Variants in PAPSS2 observed in about 807,000 individuals in gnomAD.
The protein encoded by PAPSS2 is 3'-phosphoadenosine 5'-phosphosulfate synthase 2.
PAPSS2 carries 61 observed loss-of-function variants against 66.5 expected under a neutral mutation model. The ratio of observed to expected loss-of-function variants is 0.92; its 90% CI spans 0.75 to 1.14. The LOEUF (loss-of-function observed/expected upper bound fraction) is 1.14, where lower values mean the gene tolerates loss of function less well. Ranked by LOEUF, PAPSS2 falls within the 50% of genes most tolerant of loss-of-function variation. The pLI is 0.00. For synonymous variants in PAPSS2, 289 were observed against 287.5 expected (o/e 1.01, Z -0.05); for missense variants, 708 against 789.6 (o/e 0.90, Z 1.24).
Position 87,684,812 on chromosome 10 carries a change from G to A in PAPSS2, c.28-24384G>A, listed in dbSNP as rs137906924. ...GTGGCTTTAGAATTGATTACCTCAA[G>A]TCACACAGGTCATTTCGTGGTTGAG... On this transcript the variant is annotated intron_variant, in intron 1 of 12. Transcript: ENST00000456849. Among the ~76,000 whole-genome samples the A allele has an allele frequency of 4.3e-3, 650 of 152,340 alleles. 3 individuals are homozygous for A. The highest frequency in any genetic ancestry group is 0.014 in the African/African-American group (587 of 41,580).
chr10:87,674,121 T>A (rs1302584566), intron 1 of PAPSS2, among the ~76,000 whole-genome samples: 1 of 152,136 alleles, frequency 6.6e-6, no homozygotes, highest in Non-Finnish European at 1.5e-5. Flanking sequence ...TTCTTTAGTA[T>A]CTAGAGTCCC....
intron 9 of PAPSS2, among the ~76,000 whole-genome samples, chr10:87,739,801 T>C (rs887139188): frequency 2.0e-5 from 3 of 152,244 alleles, no homozygotes; most frequent in Non-Finnish European, 4.4e-5. Context: ...TTCATCATCA[T>C]GCACTTGCAG....
chr10:87,718,236 G>A lies in PAPSS2; in HGVS notation c.865+2393G>A, dbSNP rs1365942006. Among the ~76,000 whole-genome samples the A allele has an allele frequency of 2.0e-5, 3 of 152,052 alleles. No individual in the cohort carries two copies. In the East Asian group the frequency reaches 5.8e-4, roughly 29 times the overall value. Reference sequence around the variant, plus strand: ...GTAGAGACAGGGTTTCACTATGTTGGCCAGGCTGGTCTTGAGCTCCTTGAC... The same window carrying A: ...GTAGAGACAGGGTTTCACTATGTTGACCAGGCTGGTCTTGAGCTCCTTGAC... On this transcript the variant is annotated intron_variant, in intron 7 of 12. Transcript: ENST00000456849.
chr10:87,719,021 A>G (rs1853565498), intron 7 of PAPSS2, among the ~76,000 whole-genome samples: 1 of 152,134 alleles, frequency 6.6e-6, no homozygotes, highest in African/African-American at 2.4e-5. Context: ...TCCACCATCT[A>G]CCTCTGCAAA....
intron 7 of PAPSS2, among the ~76,000 whole-genome samples, chr10:87,719,748 G>A (rs1057512917): frequency 1.3e-5 from 2 of 152,154 alleles, no homozygotes; most frequent in African/African-American, 4.8e-5. Flanking sequence ...TTTTTCTAGC[G>A]TCTGGAGATA....
At chr10:87,669,464 A>G (rs1852850799) in intron 1 of PAPSS2, among the ~76,000 whole-genome samples, 1 of 152,236 alleles carries the variant, frequency 6.6e-6, no homozygotes, top group South Asian at 2.1e-4. Context: ...CCATTGGGTC[A>G]CTAGTACAAC....
At chr10:87,707,581 T>C (rs865793815) in intron 1 of PAPSS2, among the ~76,000 whole-genome samples, 25 of 145,174 alleles carry the variant, frequency 1.7e-4, no homozygotes, top group African/African-American at 6.1e-4. Context: ...TTTTTTTTTT[T>C]TTTTTTGAGA....
intron 1 of PAPSS2, among the ~76,000 whole-genome samples, chr10:87,703,276 C>CGTGT (rs10673718): frequency 0.072 from 10,533 of 145,464 alleles, 490 homozygotes; most frequent in Middle Eastern, 0.15. Flanking sequence ...AACAACATTG[C>CGTGT]GTGTGTGTGT....
intron 1 of PAPSS2, among the ~76,000 whole-genome samples, chr10:87,675,734 A>G (rs1852935597): frequency 6.6e-6 from 1 of 152,154 alleles, no homozygotes; most frequent in Admixed American, 6.5e-5. Flanking sequence ...GCTAAGCTTC[A>G]CAAAATATTG....
intron 1 of PAPSS2, among the ~76,000 whole-genome samples, chr10:87,706,108 A>ATATATATATATATGTGTGTG: frequency 2.7e-4 from 14 of 52,022 alleles, no homozygotes; most frequent in African/African-American, 1.3e-3. Flanking sequence ...ATATATATAT[A>ATATATATATATATGTGTGTG]TGTGTGTGTG....
At chr10:87,718,336 A>C (rs1029838074) in intron 7 of PAPSS2, among the ~76,000 whole-genome samples, 7 of 152,102 alleles carry the variant, frequency 4.6e-5, no homozygotes, top group African/African-American at 1.7e-4. Flanking sequence ...CTGCCAACCC[A>C]TTGATTTTCT....
At position 87,737,558 on chromosome 10, in the gene PAPSS2, A is replaced by G. The variant is rs549952000; in HGVS notation, c.1087-3677A>G. On this transcript the variant is annotated intron_variant, in intron 9 of 12. Transcript: ENST00000456849. The stretch of plus-strand genomic sequence containing the variant: ...CTCCCGCGGTCAGGCATGGTGGCTC[A>G]CGCTTGTAATCCCAACACTTTGGAA... Among the ~76,000 whole-genome samples, 9 of 152,242 alleles carry G rather than the reference A, an allele frequency of 5.9e-5. No homozygotes were observed. The East Asian group carries it at 1.5e-3, about 26-fold the overall frequency.
intron 2 of PAPSS2, among the ~76,000 whole-genome samples, chr10:87,711,441 G>A (rs1334753343): frequency 1.3e-5 from 2 of 152,182 alleles, no homozygotes; most frequent in Non-Finnish European, 2.9e-5. Context: ...CAAAATGGAA[G>A]GACATTCTGT....
At chr10:87,735,485 G>A (rs952002461) in intron 9 of PAPSS2, among the ~76,000 whole-genome samples, 1 of 152,180 alleles carries the variant, frequency 6.6e-6, no homozygotes, top group Non-Finnish European at 1.5e-5. Context: ...TCAAAATTGT[G>A]CTGTGTCCAA....
chr10:87,714,820 T>A lies in PAPSS2; in HGVS notation c.596T>A (p.Val199Glu), dbSNP rs1853511625. The A allele has an allele frequency of 6.2e-7, 1 of 1,613,126 alleles. No homozygotes were observed. The highest frequency in any genetic ancestry group is 8.5e-7 in the Non-Finnish European group (1 of 1,179,254). Residue 199 changes from valine to glutamate, a missense_variant, in exon 5 of 13, where the codon GTG becomes GAG. Val to Glu is a moderately radical substitution (Grantham distance 121). Coordinates refer to ENST00000456849, the MANE Select transcript of PAPSS2 (RefSeq NM_001015880.2). Reference sequence around the variant, plus strand: ...GTGCTTAAAACCAATTTGTCCACAGTGAGTGACTGTGTCCACCAGGTAGTG... The same window carrying A: ...GTGCTTAAAACCAATTTGTCCACAGAGAGTGACTGTGTCCACCAGGTAGTG... ...ERVLKTNLST[V>E]SDCVHQVVEL...
At chr10:87,685,709 G>C (rs1037730688) in intron 1 of PAPSS2, among the ~76,000 whole-genome samples, 1 of 152,108 alleles carries the variant, frequency 6.6e-6, no homozygotes, top group African/African-American at 2.4e-5. Context: ...TTTTCACAAT[G>C]CATGTTTCTT....
intron 8 of PAPSS2, among the ~76,000 whole-genome samples, 175 bp downstream of exon 8, chr10:87,721,945 G>C (rs764560756): frequency 2.0e-5 from 3 of 152,146 alleles, no homozygotes; most frequent in Non-Finnish European, 4.4e-5. Context: ...TTAGACTGGA[G>C]TCCAAACAAC....
At chr10:87,743,115 A>T (rs1462815992) in intron 10 of PAPSS2, among the ~76,000 whole-genome samples, 1 of 152,002 alleles carries the variant, frequency 6.6e-6, no homozygotes, top group East Asian at 1.9e-4. Context: ...GTGTGGTGGC[A>T]CACGCCTGTA....
chr10:87,732,410 C>T (rs1255225490), intron 9 of PAPSS2, among the ~76,000 whole-genome samples: 1 of 151,888 alleles, frequency 6.6e-6, no homozygotes, highest in Non-Finnish European at 1.5e-5. Context: ...GTAGTACCAG[C>T]TACTCAGGAG....
Sources: allele counts gnomAD v4.1 joint callset (sites outside exome capture counted in the v4.1 genomes callset), GRCh38; gene constraint gnomAD v4.1.1; transcripts MANE v1.5; gene names NCBI Gene and HGNC (gene_info 2026-07-23, HGNC 2026-07-21).